SCG5: variants seen among roughly 807,000 people sequenced by gnomAD.
SCG5 encodes the protein secretogranin V.
SCG5 carries 18 observed loss-of-function variants against 25.7 expected under a neutral mutation model. The observed-to-expected ratio is 0.70, with a 90% CI of 0.48 to 1.04. The LOEUF is 1.04. Among genes scored for constraint, SCG5 ranks in the 50% least tolerant of loss-of-function variants. SCG5 has a pLI of 0.00. For synonymous variants in SCG5, 101 were observed against 91.7 expected (o/e 1.10, Z -0.58); for missense variants, 206 against 259.8 (o/e 0.79, Z 1.42).
chr15:32,658,043 G>A (rs1182822981), intron 2 of SCG5, among the ~76,000 whole-genome samples: 2 of 152,134 alleles, frequency 1.3e-5, no homozygotes, highest in African/African-American at 2.4e-5. Context: ...GCATCCAGAG[G>A]TGTAAGAATA....
intron 4 of SCG5, among the ~76,000 whole-genome samples, 165 bp from the exon 5 acceptor site, chr15:32,691,545 T>C (rs575867238): frequency 6.6e-6 from 1 of 152,366 alleles, no homozygotes; most frequent in African/African-American, 2.4e-5. Flanking sequence ...AGCTTTACTC[T>C]TGTGGTCTAT....
At chr15:32,660,760 C>T (rs189562298) in intron 2 of SCG5, among the ~76,000 whole-genome samples, 132 of 152,290 alleles carry the variant, frequency 8.7e-4, no homozygotes, top group African/African-American at 3.1e-3. Context: ...CCTCGATTAC[C>T]CCTAGTACTT....
chr15:32,680,493 C>G, intron 3 of SCG5, among the ~76,000 whole-genome samples: 1 of 151,722 alleles, frequency 6.6e-6, no homozygotes, highest in Non-Finnish European at 1.5e-5. Flanking sequence ...CCACTGCGCC[C>G]GGCCTGCACT....
chr15:32,651,170 C>T (rs751513915), intron 2 of SCG5, among the ~76,000 whole-genome samples: 10 of 152,072 alleles, frequency 6.6e-5, no homozygotes, highest in Non-Finnish European at 1.2e-4. Context: ...TGCACTCCAG[C>T]GTGGGCAACA....
chr15:32,661,360 C>A (rs2054214652), intron 2 of SCG5, among the ~76,000 whole-genome samples: 1 of 152,214 alleles, frequency 6.6e-6, no homozygotes, highest in South Asian at 2.1e-4. Flanking sequence ...TGGCTCATGC[C>A]TGTAATCCCA....
intron 3 of SCG5, among the ~76,000 whole-genome samples, chr15:32,683,282 C>T (rs574289968): frequency 1.1e-4 from 17 of 152,200 alleles, no homozygotes; most frequent in Non-Finnish European, 2.1e-4. Flanking sequence ...TTTGATGTCT[C>T]ATTATGTCTT....
intron 2 of SCG5, among the ~76,000 whole-genome samples, chr15:32,665,350 G>A (rs2054300821): frequency 6.6e-6 from 1 of 150,916 alleles, no homozygotes; most frequent in African/African-American, 2.4e-5. Context: ...ATCAGCATTA[G>A]GTTCTGGTTT....
At chr15:32,685,679 A>G (rs2054696787) in intron 4 of SCG5, among the ~76,000 whole-genome samples, 1 of 152,248 alleles carries the variant, frequency 6.6e-6, no homozygotes, top group African/African-American at 2.4e-5. Flanking sequence ...ACAATGAGCC[A>G]AACAAGATCA....
At chr15:32,696,046 G>T (rs1389204844) in intron 5 of SCG5, among the ~76,000 whole-genome samples, 1 of 152,144 alleles carries the variant, frequency 6.6e-6, no homozygotes, top group African/African-American at 2.4e-5. Flanking sequence ...TGGAGTAATT[G>T]TTTGGTAGTT....
intron 2 of SCG5, among the ~76,000 whole-genome samples, chr15:32,651,625 A>G (rs1233122229): frequency 2.0e-5 from 3 of 152,236 alleles, no homozygotes; most frequent in Non-Finnish European, 2.9e-5. Flanking sequence ...TAGGCCATCT[A>G]TGAATGGACT....
intron 2 of SCG5, among the ~76,000 whole-genome samples, chr15:32,662,520 G>A (rs1015783101): frequency 6.8e-6 from 1 of 148,052 alleles, no homozygotes; most frequent in Non-Finnish European, 1.5e-5. Context: ...TTGTTAATAC[G>A]ATGCATTGCT....
intron 2 of SCG5, among the ~76,000 whole-genome samples, chr15:32,651,296 TAATA>T (rs2054027845): frequency 6.6e-6 from 1 of 152,256 alleles, no homozygotes; most frequent in Non-Finnish European, 1.5e-5. Context: ...GTTATTTTCT[TAATA>T]AATATCAAGT....
At chr15:32,646,859 A>G (rs974609386) in intron 2 of SCG5, among the ~76,000 whole-genome samples, 9 of 152,194 alleles carry the variant, frequency 5.9e-5, no homozygotes, top group African/African-American at 2.2e-4. Context: ...AGACACATGG[A>G]GTATCTTCCA....
chr15:32,676,308 TGGCA>T (rs1467781403), intron 2 of SCG5, among the ~76,000 whole-genome samples: 1 of 152,234 alleles, frequency 6.6e-6, no homozygotes, highest in Non-Finnish European at 1.5e-5. Flanking sequence ...TTCATTTTAA[TGGCA>T]CTGGTGCACA....
chr15:32,676,437 T>C (rs1425303669), intron 2 of SCG5, among the ~76,000 whole-genome samples: 1 of 152,218 alleles, frequency 6.6e-6, no homozygotes, highest in Non-Finnish European at 1.5e-5. Flanking sequence ...GGATAATTCC[T>C]GGCACTTAAT....
chr15:32,643,748 C>T lies in SCG5; in HGVS notation c.156C>T (p.Gly52=). Residue 52 remains glycine (G), a synonymous_variant, in exon 2 of 6, where the codon GGC becomes GGT. Transcript: ENST00000300175. ...TTCATGGTGTTATGGAGCAATTGGGCATTGCCAGGCCCCGAGTGGAATATC... is the reference window on the plus strand; with the variant it reads ...TTCATGGTGTTATGGAGCAATTGGGTATTGCCAGGCCCCGAGTGGAATATC... ...RLLHGVMEQL[G]IARPRVEYPA... The T allele has an allele frequency of 6.2e-7, 1 of 1,613,950 alleles. No homozygotes were observed. Among genetic ancestry groups the T allele is most frequent in the Non-Finnish European group, 8.5e-7 (1 of 1,179,894 alleles).
At chr15:32,656,961 A>G (rs1403268532) in intron 2 of SCG5, among the ~76,000 whole-genome samples, 1 of 151,444 alleles carries the variant, frequency 6.6e-6, no homozygotes, top group African/African-American at 2.4e-5. Flanking sequence ...CTGAGGCAGG[A>G]TGCCCAGGGG....
chr15:32,643,787 C>T lies in SCG5; in HGVS notation c.195C>T (p.Ala65=), dbSNP rs1479520666. Residue 65 remains alanine, a synonymous_variant, in exon 2 of 6, where the codon GCC becomes GCT. Coordinates refer to ENST00000300175, the MANE Select transcript of SCG5 (RefSeq NM_001144757.3). The stretch of plus-strand genomic sequence containing the variant: ...GAGTGGAATATCCAGCTCACCAGGC[C>T]ATGAATCTTGTGGGCCCCCAGAGCA... ...RPRVEYPAHQ[A]MNLVGPQSIE... 6.2e-7 allele frequency: 1 copy of T among 1,613,672 alleles called. No individual in the cohort carries two copies. Among genetic ancestry groups the T allele is most frequent in the Non-Finnish European group, 8.5e-7 (1 of 1,179,890 alleles).
intron 2 of SCG5, among the ~76,000 whole-genome samples, chr15:32,657,211 A>ATATATATATATATATATATATATG (rs1555433850): frequency 5.9e-5 from 6 of 102,486 alleles, no homozygotes; most frequent in African/African-American, 2.0e-4. Context: ...ATATATATAT[A>ATATATATATATATATATATATATG]TGTATGTATT....
Sources: gnomAD v4.1 joint callset for allele counts (sites outside exome capture counted in the v4.1 genomes callset) on GRCh38, gnomAD v4.1.1 for gene constraint, MANE v1.5 for transcripts, NCBI Gene and HGNC (gene_info 2026-07-23, HGNC 2026-07-21) for gene names.